Variants in TLCD4 observed in about 807,000 individuals in gnomAD.
TLCD4 encodes the protein TLC domain-containing protein 4.
A neutral mutation model predicts 24.2 loss-of-function variants in TLCD4; 7 were observed. That is an observed-to-expected ratio of 0.29 (90% CI 0.16 to 0.54). TLCD4 has a LOEUF of 0.54. Ranked by LOEUF, TLCD4 falls within the 20% of genes least tolerant of loss-of-function variation. TLCD4 has a pLI of 0.95. For synonymous variants in TLCD4, 103 were observed against 106.4 expected (o/e 0.97, Z 0.20); for missense variants, 259 against 313.9 (o/e 0.82, Z 1.32).
At chr1:95,124,103 T>C (rs980134984) in intron 1 of TLCD4, among the ~76,000 whole-genome samples, 1 of 152,224 alleles carries the variant, frequency 6.6e-6, no homozygotes, top group Admixed American at 6.5e-5. Context: ...ACATTGACTA[T>C]AGTATCTTTA....
intron 6 of TLCD4, among the ~76,000 whole-genome samples, chr1:95,177,941 TTTTTTTTTTG>T (rs1412188987): frequency 1.0e-4 from 15 of 144,348 alleles, no homozygotes; most frequent in East Asian, 1.0e-3. Context: ...TTTTCTTTTT[TTTTTTTTTTG>T]TTTTTTTTTG....
chr1:95,119,515 T>C (rs1396056811), intron 1 of TLCD4, among the ~76,000 whole-genome samples: 1 of 152,174 alleles, frequency 6.6e-6, no homozygotes. Flanking sequence ...AGATTCCCAA[T>C]TGAGAAATGG....
Position 95,193,889 on chromosome 1 carries a change from A to C in TLCD4, c.*2021A>C, listed in dbSNP as rs1369326679. 1 of 152,082 alleles carries C rather than the reference A, an allele frequency of 6.6e-6. No individual in the cohort carries two copies. The highest frequency in any genetic ancestry group is 1.5e-5 in the Non-Finnish European group (1 of 67,956). 9.4% of individuals were successfully genotyped at this position (152,082 alleles called of 1,614,324 possible). A position where few individuals can be genotyped will look rare whatever the true frequency, so the allele number is the denominator to read the frequency against. On this transcript the variant is annotated 3_prime_UTR_variant, in exon 7 of 7. Coordinates refer to ENST00000370203, the MANE Select transcript of TLCD4 (RefSeq NM_152487.3). ...TATCTTGTTCTTACCTTTTTGCAGGAAAAGTGGCTTTAAAAAAATTTATAT... is the reference window on the plus strand; with the variant it reads ...TATCTTGTTCTTACCTTTTTGCAGGCAAAGTGGCTTTAAAAAAATTTATAT...
In TLCD4 at chr1:95,126,961, G is replaced by C. The variant is rs1676755940; in HGVS notation, c.-12+9344G>C. Reference sequence around the variant, plus strand: ...GCGTGGCAGTGTCATTGTTGCAAAGGAATTTATGGCCACTAAATGGTTTAC... The same window carrying C: ...GCGTGGCAGTGTCATTGTTGCAAAGCAATTTATGGCCACTAAATGGTTTAC... On this transcript the variant is annotated intron_variant, in intron 1 of 6. Coordinates refer to ENST00000370203, the MANE Select transcript of TLCD4 (RefSeq NM_152487.3). Among the ~76,000 whole-genome samples, 3 of 152,200 alleles carry C rather than the reference G, an allele frequency of 2.0e-5. No individual in the cohort carries two copies. The East Asian group carries it at 5.8e-4, about 29-fold the overall frequency.
chr1:95,118,454 ATATGAAAT>A (rs1256934023), intron 1 of TLCD4, among the ~76,000 whole-genome samples: 4 of 152,224 alleles, frequency 2.6e-5, no homozygotes, highest in Non-Finnish European at 5.9e-5. Flanking sequence ...GCACACTTTT[ATATGAAAT>A]TATGAAATTT....
intron 2 of TLCD4, among the ~76,000 whole-genome samples, chr1:95,146,149 G>A (rs987957747): frequency 1.3e-5 from 2 of 151,842 alleles, no homozygotes; most frequent in African/African-American, 4.8e-5. Context: ...AGAGTGGTCT[G>A]AGCCATCTAG....
chr1:95,191,745 T>C lies in TLCD4; in HGVS notation c.669T>C (p.Cys223=). 1 of 1,614,180 alleles carries C rather than the reference T, an allele frequency of 6.2e-7. No homozygotes were observed. The highest frequency in any genetic ancestry group is 1.3e-5 in the African/African-American group (1 of 75,050). Reference sequence around the variant, plus strand: ...TCCAGTTATCCTGGGTCATTAGTTGTGTTGTTTTGGATGTGATGAATGTCA... The same window carrying C: ...TCCAGTTATCCTGGGTCATTAGTTGCGTTGTTTTGGATGTGATGAATGTCA... ...VLIQLSWVIS[C]VVLDVMNVMW... Residue 223 remains cysteine, a synonymous_variant, in exon 7 of 7, where the codon TGT becomes TGC. Transcript: ENST00000370203.
intron 5 of TLCD4, among the ~76,000 whole-genome samples, chr1:95,173,529 T>G (rs1239890854): frequency 6.6e-6 from 1 of 152,230 alleles, no homozygotes; most frequent in Non-Finnish European, 1.5e-5. Flanking sequence ...GTTCATTTGT[T>G]TAACGTGACA....
intron 5 of TLCD4, among the ~76,000 whole-genome samples, chr1:95,170,360 C>T (rs1015807567): frequency 3.7e-5 from 5 of 134,512 alleles, no homozygotes; most frequent in East Asian, 2.1e-4. Context: ...AGAAGAGTCT[C>T]GCTCTGTCCC....
rs113256137 is a variant in TLCD4 at position 95,136,732 on chromosome 1, G to T, written c.-11-7159G>T. Among the ~76,000 whole-genome samples the T allele has an allele frequency of 8.3e-3, 1,270 of 152,230 alleles. 19 individuals carry two copies. The highest frequency in any genetic ancestry group is 0.029 in the African/African-American group (1,216 of 41,556). ...CTTTCAGAACTTTGCTGGGATCAAG[G>T]TATCCTTCACTTGGTATTCTCCAAT... On this transcript the variant is annotated intron_variant, in intron 1 of 6. Transcript: ENST00000370203.
intron 5 of TLCD4, among the ~76,000 whole-genome samples, chr1:95,155,026 A>G (rs1436465658): frequency 6.6e-6 from 1 of 151,802 alleles, no homozygotes; most frequent in Non-Finnish European, 1.5e-5. Flanking sequence ...AGTGCAGTGC[A>G]GTGCAGTGTA....
intron 6 of TLCD4, among the ~76,000 whole-genome samples, chr1:95,184,661 ATGG>A (rs1678769160): frequency 6.6e-6 from 1 of 152,184 alleles, no homozygotes; most frequent in South Asian, 2.1e-4. Flanking sequence ...ATAACAGTAA[ATGG>A]TGGGTAAAAG....
At chr1:95,160,226 C>T (rs1677749158) in intron 5 of TLCD4, among the ~76,000 whole-genome samples, 1 of 152,160 alleles carries the variant, frequency 6.6e-6, no homozygotes, top group South Asian at 2.1e-4. Flanking sequence ...CTTCACATCC[C>T]TTGTAAGTTG....
chr1:95,189,484 A>G (rs1678951350), intron 6 of TLCD4, among the ~76,000 whole-genome samples: 2 of 152,190 alleles, frequency 1.3e-5, no homozygotes. Flanking sequence ...AATGTCATGT[A>G]TCCACCACTA....
chr1:95,157,115 G>C (rs953163123), intron 5 of TLCD4, among the ~76,000 whole-genome samples: 8 of 152,058 alleles, frequency 5.3e-5, no homozygotes, highest in African/African-American at 2.4e-5. Context: ...ATTTAAAAAA[G>C]CTGTTTTAGG....
the TLCD4 span, among the ~76,000 whole-genome samples, chr1:95,095,029 T>A: frequency 6.6e-6 from 1 of 152,222 alleles, no homozygotes; most frequent in Non-Finnish European, 1.5e-5. Context: ...TTTGTGCCTG[T>A]ATTTCTTCAT....
chr1:95,185,034 C>CT (rs991965186), intron 6 of TLCD4, among the ~76,000 whole-genome samples: 94 of 146,332 alleles, frequency 6.4e-4, no homozygotes, highest in African/African-American at 2.0e-3. Flanking sequence ...TTTTTTTTTT[C>CT]TTTTTTTTTA....
At chr1:95,134,262 A>G (rs948081285) in intron 1 of TLCD4, among the ~76,000 whole-genome samples, 1 of 152,306 alleles carries the variant, frequency 6.6e-6, no homozygotes, top group African/African-American at 2.4e-5. Context: ...TCAGTGAGCC[A>G]GGGCTAATGT....
In TLCD4 at chr1:95,150,256, C is replaced by T; in HGVS notation, c.294C>T (p.Tyr98=). 6.2e-7 allele frequency: 1 copy of T among 1,609,796 alleles called. No homozygotes were observed. Among genetic ancestry groups the T allele is most frequent in the Non-Finnish European group, 8.5e-7 (1 of 1,179,206 alleles). ...ANVNIAIASG[Y]LISDLSIIIL... ...TGAATATTGCTATTGCCTCAGGCTACCTCATTTCTGGTATGTGAGATGTTG... is the reference window on the plus strand; with the variant it reads ...TGAATATTGCTATTGCCTCAGGCTATCTCATTTCTGGTATGTGAGATGTTG... The change falls in exon 4 of 7, where the codon TAC becomes TAT. Residue 98 remains tyrosine (Y), a synonymous_variant. Coordinates refer to ENST00000370203, the MANE Select transcript of TLCD4 (RefSeq NM_152487.3).
Sources: allele counts gnomAD v4.1 joint callset (sites outside exome capture counted in the v4.1 genomes callset), GRCh38; gene constraint gnomAD v4.1.1; transcripts MANE v1.5; gene names NCBI Gene and HGNC (gene_info 2026-07-23, HGNC 2026-07-21).